Variants in SIPA1L3 observed in about 807,000 individuals in gnomAD.
SIPA1L3 encodes the protein signal-induced proliferation-associated 1-like protein 3.
Under a neutral mutation model 150.1 loss-of-function variants are expected in SIPA1L3, and 59 were observed. That is an observed-to-expected ratio of 0.39 (90% CI 0.32 to 0.49). The LOEUF is 0.49. SIPA1L3 is among the 20% of genes least tolerant of loss of function. The pLI is 0.86. For synonymous variants in SIPA1L3, 1,070 were observed against 1,077.6 expected (o/e 0.99, Z 0.14); for missense variants, 2,211 against 2,489.5 (o/e 0.89, Z 2.38).
chr19:38,206,181 G>T lies in SIPA1L3; in HGVS notation c.5287G>T (p.Ala1763Ser). The T allele has an allele frequency of 6.4e-7, 1 of 1,555,444 alleles. No homozygotes were observed. Among genetic ancestry groups the T allele is most frequent in the Admixed American group, 1.9e-5 (1 of 51,708 alleles). Residue 1763 changes from alanine to serine, a missense_variant, in exon 22 of 22, where the codon GCC becomes TCC. Around this residue, in one of 5 missense-constraint regions of SIPA1L3, gnomAD observed 63 missense variants for 106.1 expected, o/e 0.59. Transcript: ENST00000222345. Reference protein sequence around the residue: ...NQRLQEESQAASEQLRKFAEI... With the variant: ...NQRLQEESQASSEQLRKFAEI... ...GCGGCTGCAGGAGGAGTCGCAGGCC[G>T]CCAGCGAGCAGCTGCGCAAGTTTGC...
chr19:38,132,589 A>AC (rs1971338306), intron 10 of SIPA1L3, among the ~76,000 whole-genome samples: 1 of 151,190 alleles, frequency 6.6e-6, no homozygotes, highest in Non-Finnish European at 1.5e-5. Flanking sequence ...CGTCTCAAAA[A>AC]AAAAAAAAAA....
intron 1 of SIPA1L3, among the ~76,000 whole-genome samples, chr19:37,961,224 T>C (rs1022501773): frequency 1.3e-5 from 2 of 151,588 alleles, no homozygotes; most frequent in African/African-American, 4.9e-5. Context: ...CTCGCTGTGT[T>C]GCCCAGGCTG....
chr19:37,914,348 C>T (rs1036551773), intron 1 of SIPA1L3, among the ~76,000 whole-genome samples: 1 of 151,214 alleles, frequency 6.6e-6, no homozygotes, highest in African/African-American at 2.4e-5. Context: ...GAGTTAATTC[C>T]TAGTTTTCAA....
chr19:38,021,090 C>G (rs952965929), intron 1 of SIPA1L3, among the ~76,000 whole-genome samples: 2 of 152,140 alleles, frequency 1.3e-5, no homozygotes, highest in African/African-American at 4.8e-5. Context: ...CGTGAGCCAC[C>G]GTGCCCGGCT....
At chr19:37,930,006 A>G (rs1450247472) in intron 1 of SIPA1L3, among the ~76,000 whole-genome samples, 3 of 147,300 alleles carry the variant, frequency 2.0e-5, no homozygotes, top group Non-Finnish European at 4.5e-5. Flanking sequence ...CCACAGGTGC[A>G]TGCCACCGTG....
rs1016562378 is a variant in SIPA1L3 at position 38,046,123 on chromosome 19, C to T, written c.-311+16967C>T. Among the ~76,000 whole-genome samples the T allele has an allele frequency of 3.3e-5, 5 of 152,070 alleles. No homozygotes were observed. Among genetic ancestry groups the T allele is most frequent in the Admixed American group, 6.6e-5 (1 of 15,262 alleles). The stretch of plus-strand genomic sequence containing the variant: ...TTTTGCCGTCATCTGGCCACTCAGT[C>T]GGCGGGGTTGAGAGGAGCTTTCTAT... On this transcript the variant is annotated intron_variant, in intron 2 of 21. Coordinates refer to ENST00000222345, the MANE Select transcript of SIPA1L3 (RefSeq NM_015073.3). This position sits in a 1 kb window ranked among gnomAD's most constrained non-coding sequence, Gnocchi z 5.6.
chr19:37,940,544 C>A (rs2046644963), intron 1 of SIPA1L3, among the ~76,000 whole-genome samples: 2 of 152,088 alleles, frequency 1.3e-5, no homozygotes, highest in South Asian at 2.1e-4. Context: ...TCATAAATAT[C>A]TTTCTAGAAT....
intron 1 of SIPA1L3, among the ~76,000 whole-genome samples, chr19:38,005,741 T>G (rs1228654032): frequency 6.6e-6 from 1 of 152,116 alleles, no homozygotes; most frequent in Non-Finnish European, 1.5e-5. Flanking sequence ...AATAGTGACA[T>G]AAGGAGAAAG....
At chr19:38,124,995 AGAGAGGGAGAGGGAGACCGTGGG>A (rs1422740224) in intron 9 of SIPA1L3, among the ~76,000 whole-genome samples, 3 of 103,078 alleles carry the variant, frequency 2.9e-5, no homozygotes, top group South Asian at 3.4e-4. Context: ...GACTGTGGAA[AGAGAGGGAGAGGGAGACCGTGGG>A]GAGAGGGAGA....
At chr19:38,098,426 G>A (rs193286668) in intron 4 of SIPA1L3, among the ~76,000 whole-genome samples, 96 of 133,440 alleles carry the variant, frequency 7.2e-4, no homozygotes, top group African/African-American at 2.5e-3. Context: ...AGACAGTCTC[G>A]CTCTGTCACC....
chr19:38,000,284 TG>T (rs1967750559), intron 1 of SIPA1L3, among the ~76,000 whole-genome samples: 2 of 151,890 alleles, frequency 1.3e-5, no homozygotes, highest in South Asian at 4.2e-4. Flanking sequence ...CTGGCCAACA[TG>T]GTGAAACCCT....
intron 2 of SIPA1L3, among the ~76,000 whole-genome samples, chr19:38,033,730 G>T (rs1968710750): frequency 2.0e-5 from 3 of 151,900 alleles, no homozygotes. Flanking sequence ...CAGATGGGGA[G>T]TAGATACAGC....
chr19:38,125,395 G>A (rs1426320422), intron 9 of SIPA1L3, among the ~76,000 whole-genome samples: 4 of 152,158 alleles, frequency 2.6e-5, no homozygotes, highest in Non-Finnish European at 2.9e-5. Context: ...AGCAGCTCGC[G>A]TTTCTTGAGC....
intron 1 of SIPA1L3, among the ~76,000 whole-genome samples, chr19:38,010,571 C>T (rs547529964): frequency 1.3e-4 from 20 of 152,006 alleles, no homozygotes; most frequent in Admixed American, 4.6e-4. Context: ...ATTAGCTGGG[C>T]GTGGTGGCAG....
chr19:38,068,583 G>A (rs1483711075), intron 2 of SIPA1L3, among the ~76,000 whole-genome samples: 3 of 152,076 alleles, frequency 2.0e-5, no homozygotes, highest in Admixed American at 6.6e-5. Flanking sequence ...TACTTGGCAG[G>A]GCATGGTGGT....
intron 2 of SIPA1L3, among the ~76,000 whole-genome samples, chr19:38,062,108 G>T (rs908599101): frequency 6.6e-6 from 1 of 151,848 alleles, no homozygotes; most frequent in African/African-American, 2.4e-5. Flanking sequence ...TGCCCTATGG[G>T]GATCATCTTG....
At chr19:38,134,040 G>A (rs890260826) in intron 10 of SIPA1L3, among the ~76,000 whole-genome samples, 1 of 151,686 alleles carries the variant, frequency 6.6e-6, no homozygotes, top group African/African-American at 2.4e-5. Flanking sequence ...CTGCAGTGCA[G>A]TGGCATGATC....
rs781590143 is a variant in SIPA1L3 at position 38,182,665 on chromosome 19, G to C, written c.4355G>C (p.Arg1452Pro). The change falls in exon 16 of 22, where the codon CGC becomes CCC. Residue 1452 changes from arginine (R) to proline (P), a missense_variant. Physicochemically the swap from Arg to Pro is moderately radical, Grantham distance 103. Coordinates refer to ENST00000222345, the MANE Select transcript of SIPA1L3 (RefSeq NM_015073.3). Reference sequence around the variant, plus strand: ...TCCTTCTTCTCCAAGCAGCCTGTACGCAATAAGCACCCAACAGGGTGGAAG... The same window carrying C: ...TCCTTCTTCTCCAAGCAGCCTGTACCCAATAAGCACCCAACAGGGTGGAAG... The part of the protein sequence containing the change: ...PKSFFSKQPV[R>P]NKHPTGWKRT... 4 of 1,614,010 alleles carry C rather than the reference G, an allele frequency of 2.5e-6. No homozygotes were observed. The highest frequency in any genetic ancestry group is 8.5e-7 in the Non-Finnish European group (1 of 1,180,004).
At chr19:38,127,829 G>A (rs1171424611) in intron 9 of SIPA1L3, among the ~76,000 whole-genome samples, 4 of 152,036 alleles carry the variant, frequency 2.6e-5, no homozygotes, top group Non-Finnish European at 5.9e-5. Flanking sequence ...CAGTGTTAAA[G>A]GTTAGATATC....
Sources: gnomAD v4.1 joint callset for allele counts (sites outside exome capture counted in the v4.1 genomes callset) on GRCh38, gnomAD v4.1.1 for gene constraint, gnomAD v4.1.1 regional missense constraint, Gnocchi (gnomAD v3.1) non-coding constraint, MANE v1.5 for transcripts, NCBI Gene and HGNC (gene_info 2026-07-23, HGNC 2026-07-21) for gene names.